The following ADGRL2 variants were observed in gnomAD, a reference collection of about 807,000 sequenced individuals.
ADGRL2 encodes the protein adhesion G protein-coupled receptor L2, also known as calcium-independent alpha-latrotoxin receptor 2.
A neutral mutation model predicts 157.4 loss-of-function variants in ADGRL2; 44 were observed. The observed-to-expected ratio is 0.28, with a 90% CI of 0.22 to 0.36. The LOEUF is 0.36. ADGRL2 is among the 10% of genes least tolerant of loss of function. The pLI, the probability that ADGRL2 is intolerant of heterozygous loss-of-function variation, is 1.00. For synonymous variants in ADGRL2, 585 were observed against 624.7 expected, an observed-to-expected ratio of 0.94 and a Z score of 0.95; for missense variants, 1,510 against 1,768.9, an observed-to-expected ratio of 0.85 and a Z score of 2.63.
chr1:81,987,211 A>G (rs1663417337), intron 22 of ADGRL2, 182 bp downstream of exon 22: 1 of 1,352,966 alleles, frequency 7.4e-7, no homozygotes, highest in African/African-American at 1.5e-5. Context: ...TTATAGTAAA[A>G]GCTCAGTCAT....
At chr1:81,622,169 A>C (rs2081806574) in intron 3 of ADGRL2, among the ~76,000 whole-genome samples, 1 of 152,212 alleles carries the variant, frequency 6.6e-6, no homozygotes, top group South Asian at 2.1e-4. Flanking sequence ...AGTAAATCAT[A>C]ATGGAGATGA....
chr1:81,423,377 T>C (rs1471484772), intron 1 of ADGRL2, among the ~76,000 whole-genome samples: 2 of 152,180 alleles, frequency 1.3e-5, no homozygotes, highest in African/African-American at 4.8e-5. Flanking sequence ...GGACACTTTC[T>C]AGAACACAGA....
chr1:81,445,292 A>C (rs1424043254), intron 2 of ADGRL2, among the ~76,000 whole-genome samples: 1 of 152,210 alleles, frequency 6.6e-6, no homozygotes, highest in Non-Finnish European at 1.5e-5. Context: ...ACCTCTCTCC[A>C]TGAGTCAGGT....
upstream of ADGRL2, among the ~76,000 whole-genome samples, chr1:81,796,603 G>A (rs1367020582): frequency 6.6e-6 from 1 of 152,084 alleles, no homozygotes; most frequent in Non-Finnish European, 1.5e-5. Context: ...TATCATAATG[G>A]TAACGACATA....
chr1:81,639,771 CTCTT>C (rs1378012557), intron 3 of ADGRL2, among the ~76,000 whole-genome samples: 2 of 152,050 alleles, frequency 1.3e-5, no homozygotes, highest in African/African-American at 4.8e-5. Flanking sequence ...ATGAGACAAA[CTCTT>C]TCACTTCACA....
chr1:81,907,564 T>A (rs191805964), intron 3 of ADGRL2, among the ~76,000 whole-genome samples: 2 of 152,178 alleles, frequency 1.3e-5, no homozygotes, highest in South Asian at 4.1e-4. Context: ...ACATCAAGAA[T>A]GTTGAAGTGC....
intron 21 of ADGRL2, among the ~76,000 whole-genome samples, chr1:81,986,181 T>A (rs1016672200): frequency 2.0e-5 from 3 of 152,138 alleles, no homozygotes; most frequent in Non-Finnish European, 4.4e-5. Context: ...TCAGTTAGAA[T>A]GAAAGACGTG....
At chr1:81,555,715 T>G (rs1358020154) in intron 2 of ADGRL2, among the ~76,000 whole-genome samples, 2 of 152,050 alleles carry the variant, frequency 1.3e-5, no homozygotes, top group African/African-American at 4.8e-5. Flanking sequence ...CTGCAGCCCC[T>G]CCTCACCCTC....
intron 2 of ADGRL2, among the ~76,000 whole-genome samples, chr1:81,572,064 A>C (rs1251057206): frequency 6.6e-6 from 1 of 152,392 alleles, no homozygotes; most frequent in Admixed American, 6.5e-5. Flanking sequence ...TTGAAAAATT[A>C]TAGAATAGAA....
At chr1:81,535,725 G>A (rs1463192301) in intron 2 of ADGRL2, among the ~76,000 whole-genome samples, 1 of 152,100 alleles carries the variant, frequency 6.6e-6, no homozygotes, top group Non-Finnish European at 1.5e-5. Context: ...AAATTATGTT[G>A]CATTTACTTT....
In ADGRL2 at chr1:81,353,082, C is replaced by T. The variant is rs80198903; in HGVS notation, c.-302+46573C>T. Reference sequence around the variant, plus strand: ...GGGCAATATTCTGCATATATATGTACGTTAATCATCACAAGAACTTGATAA... The same window carrying T: ...GGGCAATATTCTGCATATATATGTATGTTAATCATCACAAGAACTTGATAA... On this transcript the variant is annotated intron_variant, in intron 1 of 24. Coordinates refer to the ADGRL2 transcript ENST00000370721. 9.6e-3 allele frequency among the ~76,000 whole-genome samples: 1,461 copies of T among 152,170 alleles called. 23 individuals are homozygous for T. The highest frequency in any genetic ancestry group is 0.033 in the African/African-American group (1,377 of 41,528).
intron 3 of ADGRL2, among the ~76,000 whole-genome samples, chr1:81,910,273 A>C (rs936667128): frequency 2.3e-4 from 34 of 147,788 alleles, no homozygotes; most frequent in Non-Finnish European, 3.0e-4. Flanking sequence ...AATAATAATA[A>C]TACTACAATT....
At chr1:81,961,432 G>A (rs565817891) in intron 11 of ADGRL2, among the ~76,000 whole-genome samples, 214 of 151,374 alleles carry the variant, frequency 1.4e-3, no homozygotes, top group African/African-American at 5.0e-3. Flanking sequence ...ATTTTGCTTT[G>A]TAAGTATGTA....
chr1:81,335,124 G>A (rs1182028024), intron 1 of ADGRL2, among the ~76,000 whole-genome samples: 3 of 152,124 alleles, frequency 2.0e-5, no homozygotes, highest in Non-Finnish European at 2.9e-5. Context: ...AACCAAATGT[G>A]TTTGAATCTT....
intron 11 of ADGRL2, among the ~76,000 whole-genome samples, chr1:81,957,960 G>C (rs538865687): frequency 1.1e-4 from 17 of 151,752 alleles, no homozygotes; most frequent in African/African-American, 4.1e-4. Context: ...CAGGAGTTCA[G>C]GACTATCCTG....
intron 2 of ADGRL2, among the ~76,000 whole-genome samples, chr1:81,526,571 T>C (rs1305648819): frequency 6.6e-6 from 1 of 152,250 alleles, no homozygotes; most frequent in African/African-American, 2.4e-5. Flanking sequence ...AGAAGAGATA[T>C]GTAATGTTTA....
At chr1:81,480,039 G>T (rs1362614179) in intron 2 of ADGRL2, among the ~76,000 whole-genome samples, 13 of 152,116 alleles carry the variant, frequency 8.5e-5, no homozygotes, top group Admixed American at 5.2e-4. Context: ...TCATGGGCTG[G>T]TGTCACATAG....
At chr1:81,829,132 G>A (rs192833889) in intron 1 of ADGRL2, among the ~76,000 whole-genome samples, 4 of 152,030 alleles carry the variant, frequency 2.6e-5, no homozygotes, top group Non-Finnish European at 4.4e-5. Flanking sequence ...AGCTGGTCTC[G>A]AACTCCTGAC....
intron 1 of ADGRL2, among the ~76,000 whole-genome samples, chr1:81,390,969 C>G (rs1403473708): frequency 3.3e-5 from 5 of 152,294 alleles, no homozygotes; most frequent in African/African-American, 9.6e-5. Context: ...TTTTCTCAAT[C>G]AAAAGATAAT....
Sources: gnomAD v4.1 joint callset for allele counts (sites outside exome capture counted in the v4.1 genomes callset) on GRCh38, gnomAD v4.1.1 for gene constraint, MANE v1.5 for transcripts, NCBI Gene and HGNC (gene_info 2026-07-23, HGNC 2026-07-21) for gene names.